The following CLRN1 variants were observed in gnomAD, a reference collection of about 807,000 sequenced individuals.
The protein encoded by CLRN1 is clarin 1.
In CLRN1, 15 loss-of-function variants were observed where a neutral mutation model predicts 18.7. The ratio of observed to expected loss-of-function variants is 0.80; its 90% CI spans 0.54 to 1.23. The LOEUF is 1.23. Ranked by LOEUF, CLRN1 falls within the 50% of genes most tolerant of loss-of-function variation. The pLI, the probability that CLRN1 is intolerant of heterozygous loss-of-function variation, is 0.00. For synonymous variants in CLRN1, 104 were observed against 102.9 expected (o/e 1.01, Z -0.07); for missense variants, 311 against 277.5 (o/e 1.12, Z -0.86).
At chr3:150,939,689 T>C (rs1347759050) in intron 2 of CLRN1, among the ~76,000 whole-genome samples, 2 of 152,128 alleles carry the variant, frequency 1.3e-5, no homozygotes, top group Non-Finnish European at 2.9e-5. Flanking sequence ...AACTCCAGTT[T>C]GAGAACCACT....
At chr3:150,932,534 T>C (rs1713214722) in intron 2 of CLRN1, among the ~76,000 whole-genome samples, 1 of 152,228 alleles carries the variant, frequency 6.6e-6, no homozygotes, top group African/African-American at 2.4e-5. Flanking sequence ...TCATCTTCAA[T>C]TGTCTTATAG....
intron 2 of CLRN1, 127 bp downstream of exon 2, chr3:150,941,455 A>G: frequency 3.1e-6 from 3 of 955,658 alleles, no homozygotes; most frequent in Non-Finnish European, 4.8e-6. Context: ...ACTTTTTGTT[A>G]TTATGTATAA....
intron 2 of CLRN1, among the ~76,000 whole-genome samples, chr3:150,940,761 A>G (rs141013077): frequency 2.0e-3 from 309 of 152,262 alleles, no homozygotes; most frequent in African/African-American, 7.1e-3. Context: ...TCCTTCTCCC[A>G]CTTGCAGATA....
intron 2 of CLRN1, among the ~76,000 whole-genome samples, chr3:150,935,071 C>G (rs1463554154): frequency 6.6e-6 from 1 of 152,044 alleles, no homozygotes; most frequent in African/African-American, 2.4e-5. Context: ...TCTCCTCCTC[C>G]TAAACCAAAA....
intron 1 of CLRN1, among the ~76,000 whole-genome samples, chr3:150,952,585 C>G (rs1714548625): frequency 6.6e-6 from 1 of 152,170 alleles, no homozygotes; most frequent in African/African-American, 2.4e-5. Flanking sequence ...CTTCTGGAGC[C>G]TCCCTTACAC....
chr3:150,947,581 C>T (rs997858766), intron 1 of CLRN1, among the ~76,000 whole-genome samples: 5 of 152,086 alleles, frequency 3.3e-5, no homozygotes, highest in African/African-American at 1.2e-4. Context: ...AACTCTGTAC[C>T]CAAAACCAAC....
chr3:150,959,480 T>A lies in CLRN1; in HGVS notation c.253+12976A>T, dbSNP rs116056283. On this transcript the variant is annotated intron_variant, in intron 1 of 2. Transcript: ENST00000327047. Reference sequence around the variant, plus strand: ...CCCGTCTCTACTAAAAATACAAAAATTAGCCAGGTGCAGTGATGGGCCCCT... The same window carrying A: ...CCCGTCTCTACTAAAAATACAAAAAATAGCCAGGTGCAGTGATGGGCCCCT... Among the ~76,000 whole-genome samples the A allele has an allele frequency of 9.2e-3, 1,393 of 151,982 alleles. 21 individuals carry two copies. Among genetic ancestry groups the A allele is most frequent in the African/African-American group, 0.032 (1,313 of 41,424 alleles).
intron 1 of CLRN1, among the ~76,000 whole-genome samples, chr3:150,953,693 T>C (rs1047765333): frequency 1.3e-5 from 2 of 152,142 alleles, no homozygotes; most frequent in Non-Finnish European, 2.9e-5. Flanking sequence ...AATTTTTGTA[T>C]TTTTAGTAGA....
chr3:150,928,911 T>G (rs1712980087), intron 2 of CLRN1, among the ~76,000 whole-genome samples: 1 of 152,216 alleles, frequency 6.6e-6, no homozygotes, highest in Non-Finnish European at 1.5e-5. Context: ...ATTAGGGGCC[T>G]GTCCTTTCTT....
intron 2 of CLRN1, among the ~76,000 whole-genome samples, chr3:150,934,650 T>A (rs536322448): frequency 6.6e-6 from 1 of 152,238 alleles, no homozygotes; most frequent in South Asian, 2.1e-4. Flanking sequence ...CAGATCTAGG[T>A]AAGACCCTCT....
Position 150,926,858 on chromosome 3 carries a change from G to C in CLRN1, c.*1078C>G, listed in dbSNP as rs777857242. ...GGAAGGGTCAGTTCCAGGCTCAGCTGTGGCCTTTAGTCAGCTGCAGATCAA... is the reference window on the plus strand; with the variant it reads ...GGAAGGGTCAGTTCCAGGCTCAGCTCTGGCCTTTAGTCAGCTGCAGATCAA... On this transcript the variant is annotated 3_prime_UTR_variant, in exon 3 of 3. Coordinates refer to ENST00000327047, the MANE Select transcript of CLRN1 (RefSeq NM_174878.3). 6.2e-7 allele frequency: 1 copy of C among 1,614,086 alleles called. No individual in the cohort carries two copies. Among genetic ancestry groups the C allele is most frequent in the Admixed American group, 1.7e-5 (1 of 60,000 alleles).
intron 1 of CLRN1, among the ~76,000 whole-genome samples, chr3:150,958,448 TG>T (rs1714860556): frequency 6.6e-6 from 1 of 152,236 alleles, no homozygotes; most frequent in South Asian, 2.1e-4. Flanking sequence ...AAAGGCTTCA[TG>T]TTGCCTACAA....
At chr3:150,969,020 A>G (rs1268285649) in intron 1 of CLRN1, among the ~76,000 whole-genome samples, 1 of 151,794 alleles carries the variant, frequency 6.6e-6, no homozygotes, top group Non-Finnish European at 1.5e-5. Context: ...ATAAAACCAC[A>G]CACAAAAAAA....
At chr3:150,939,456 C>T (rs1042118578) in intron 2 of CLRN1, among the ~76,000 whole-genome samples, 1 of 152,164 alleles carries the variant, frequency 6.6e-6, no homozygotes, top group Non-Finnish European at 1.5e-5. Context: ...TTGGAGTTAC[C>T]TCGGAGTCTC....
chr3:150,956,804 T>A (rs1333502316), intron 1 of CLRN1, among the ~76,000 whole-genome samples: 1 of 152,148 alleles, frequency 6.6e-6, no homozygotes, highest in East Asian at 1.9e-4. Flanking sequence ...CCTTTTCTAG[T>A]TTTTTCCTCT....
At chr3:150,957,670 G>A (rs60122003) in intron 1 of CLRN1, among the ~76,000 whole-genome samples, 1 of 151,954 alleles carries the variant, frequency 6.6e-6, no homozygotes. Context: ...TTTTTAGGGG[G>A]TCGGTGGGGA....
chr3:150,971,295 C>T (rs73155718), intron 1 of CLRN1, among the ~76,000 whole-genome samples: 6,643 of 152,228 alleles, frequency 0.044, 192 homozygotes, highest in Middle Eastern at 0.095. Context: ...TCCACTTCAT[C>T]AATTAAAAAG....
chr3:150,944,027 C>A, intron 1 of CLRN1: 2 of 962,372 alleles, frequency 2.1e-6, no homozygotes, highest in South Asian at 1.4e-5. Flanking sequence ...GATAGTGATA[C>A]ATATGATGGA....
At chr3:150,964,676 C>T (rs539560966) in intron 1 of CLRN1, among the ~76,000 whole-genome samples, 6 of 152,284 alleles carry the variant, frequency 3.9e-5, no homozygotes, top group Non-Finnish European at 5.9e-5. Flanking sequence ...CAATGATAGA[C>T]TAGATTAAGA....
Sources: allele counts gnomAD v4.1 joint callset (sites outside exome capture counted in the v4.1 genomes callset), GRCh38; gene constraint gnomAD v4.1.1; transcripts MANE v1.5; gene names NCBI Gene and HGNC (gene_info 2026-07-23, HGNC 2026-07-21).